Variants in PEAK1 observed in about 807,000 individuals in gnomAD.
The protein encoded by PEAK1 is pseudopodium enriched atypical kinase 1.
A neutral mutation model predicts 124.7 loss-of-function variants in PEAK1; 54 were observed. That is an observed-to-expected ratio of 0.43 (90% CI 0.35 to 0.54). The LOEUF is 0.54. PEAK1 is among the 20% of genes least tolerant of loss of function. The pLI is 0.01. For missense variants in PEAK1, 2,046 were observed against 2,134.5 expected (o/e 0.96, Z 0.82); for synonymous variants, 719 against 760.0 (o/e 0.95, Z 0.89).
intron 2 of PEAK1, among the ~76,000 whole-genome samples, chr15:77,363,280 A>C (rs752321059): frequency 3.9e-5 from 6 of 152,206 alleles, no homozygotes; most frequent in Non-Finnish European, 8.8e-5. Flanking sequence ...AGCAAGCTGC[A>C]GTCAAGACTC....
chr15:77,322,790 T>C (rs1175195955), intron 2 of PEAK1, among the ~76,000 whole-genome samples: 1 of 152,198 alleles, frequency 6.6e-6, no homozygotes, highest in Non-Finnish European at 1.5e-5. Context: ...GAGGCCAGCA[T>C]CATCCTGATA....
chr15:77,417,429 G>C (rs1276079055), intron 1 of PEAK1: 25 of 949,886 alleles, frequency 2.6e-5, no homozygotes. Context: ...GAAAGGACTA[G>C]GAAGGAGAGT....
At chr15:77,291,382 C>A (rs2063204227) in intron 2 of PEAK1, among the ~76,000 whole-genome samples, 1 of 152,076 alleles carries the variant, frequency 6.6e-6, no homozygotes, top group South Asian at 2.1e-4. Flanking sequence ...ATGAAATCTC[C>A]TCACACATAA....
Position 77,180,017 on chromosome 15 carries a change from T to C in PEAK1, c.1910A>G (p.Asn637Ser). Reference sequence around the variant, plus strand: ...CAGAAAACTTTTGTAGATAGCTAGATTGTCATATGCATTTGGATTGATAAC... The same window carrying C: ...CAGAAAACTTTTGTAGATAGCTAGACTGTCATATGCATTTGGATTGATAAC... ...PIVINPNAYDNLAIYKSFLGT... is the reference protein window; with the variant it reads ...PIVINPNAYDSLAIYKSFLGT... The change falls in exon 7 of 10, where the codon AAT becomes AGT. Residue 637 changes from asparagine to serine, a missense_variant. By Grantham distance (46) the Asn-to-Ser change is conservative. Transcript: ENST00000682557. 1.9e-6 allele frequency: 3 copies of C among 1,614,118 alleles called. No homozygotes were observed. The highest frequency in any genetic ancestry group is 2.5e-6 in the Non-Finnish European group (3 of 1,179,962).
intron 8 of PEAK1, chr15:77,156,221 C>G (rs1377866249): frequency 6.4e-6 from 1 of 155,196 alleles, no homozygotes; most frequent in Non-Finnish European, 1.4e-5. Context: ...CTCCCCCAGC[C>G]TCGGTGCTGC....
chr15:77,254,788 G>A (rs2061049623), intron 5 of PEAK1, among the ~76,000 whole-genome samples: 1 of 152,128 alleles, frequency 6.6e-6, no homozygotes, highest in African/African-American at 2.4e-5. Flanking sequence ...ATATACTTAA[G>A]AACTACTGTG....
At chr15:77,310,862 C>CA (rs1299200341) in intron 2 of PEAK1, among the ~76,000 whole-genome samples, 1 of 152,118 alleles carries the variant, frequency 6.6e-6, no homozygotes, top group Admixed American at 6.6e-5. Flanking sequence ...TCTGAGATGA[C>CA]AGGGAGCATA....
intron 2 of PEAK1, among the ~76,000 whole-genome samples, chr15:77,293,588 C>T (rs1157548253): frequency 6.6e-6 from 1 of 152,208 alleles, no homozygotes; most frequent in Non-Finnish European, 1.5e-5. Flanking sequence ...CCACGTTAGT[C>T]AGTCTTCCAT....
intron 2 of PEAK1, among the ~76,000 whole-genome samples, chr15:77,297,791 G>C (rs1446697376): frequency 6.7e-6 from 1 of 149,618 alleles, no homozygotes; most frequent in Non-Finnish European, 1.5e-5. Context: ...GGGTGCGGTG[G>C]CTCACGCCTG....
intron 2 of PEAK1, among the ~76,000 whole-genome samples, chr15:77,329,472 C>A (rs2153030005): frequency 6.6e-6 from 1 of 152,188 alleles, no homozygotes; most frequent in East Asian, 1.9e-4. Flanking sequence ...AATTTTAATC[C>A]CCTCTCTGCC....
chr15:77,212,708 G>A (rs1567121341), intron 6 of PEAK1, among the ~76,000 whole-genome samples: 2 of 152,100 alleles, frequency 1.3e-5, no homozygotes, highest in African/African-American at 4.8e-5. Flanking sequence ...CTTGTATGTA[G>A]GTCATCTATA....
chr15:77,289,573 C>T (rs567357128), intron 2 of PEAK1, among the ~76,000 whole-genome samples: 4 of 152,242 alleles, frequency 2.6e-5, no homozygotes, highest in South Asian at 2.1e-4. Flanking sequence ...CAGTGCCTCA[C>T]GCCTGTAATC....
At chr15:77,161,853 C>A (rs1410119690) in intron 7 of PEAK1, among the ~76,000 whole-genome samples, 1 of 150,988 alleles carries the variant, frequency 6.6e-6, no homozygotes, top group Non-Finnish European at 1.5e-5. Flanking sequence ...ATAATCCCAG[C>A]TACTCGGGAG....
Position 77,110,359 on chromosome 15 carries a change from T to A in PEAK1, c.*3797A>T, listed in dbSNP as rs892085726. ...CTGCCCACCTCGCCCTCCTAAAGTG[T>A]TGGGATTACAGGCGTGAGCCACTGC... On this transcript the variant is annotated 3_prime_UTR_variant, in exon 10 of 10. Coordinates refer to ENST00000682557, the MANE Select transcript of PEAK1 (RefSeq NM_001385026.1). 2.2e-4 allele frequency: 34 copies of A among 152,300 alleles called. No individual in the cohort carries two copies. The highest frequency in any genetic ancestry group is 7.9e-4 in the African/African-American group (33 of 41,562). 9.4% of individuals were successfully genotyped at this position (152,300 alleles called of 1,614,324 possible).
In PEAK1 at chr15:77,249,319, G is replaced by A. The variant is rs547445380; in HGVS notation, c.-115+3048C>T. Among the ~76,000 whole-genome samples the A allele has an allele frequency of 3.9e-5, 6 of 152,064 alleles. No individual in the cohort carries two copies. The East Asian group carries it at 9.6e-4, about 24-fold the overall frequency. On this transcript the variant is annotated intron_variant, in intron 6 of 9. Transcript: ENST00000682557. The stretch of plus-strand genomic sequence containing the variant: ...AGAATATACTCCCCTACCCACAAAG[G>A]CCATAATTTTCAGCTAATGAAATAA...
chr15:77,209,671 G>C (rs1439040203), intron 6 of PEAK1, among the ~76,000 whole-genome samples: 12 of 152,172 alleles, frequency 7.9e-5, no homozygotes, highest in Non-Finnish European at 2.9e-5. Context: ...CTTCCTTTCT[G>C]TGAGATGCTG....
At chr15:77,166,025 T>C (rs2056072576) in intron 7 of PEAK1, among the ~76,000 whole-genome samples, 1 of 152,154 alleles carries the variant, frequency 6.6e-6, no homozygotes, top group Non-Finnish European at 1.5e-5. Flanking sequence ...TAAAACTGCT[T>C]TTACTTTTAG....
chr15:77,151,969 A>G (rs907791684), intron 8 of PEAK1, among the ~76,000 whole-genome samples: 3 of 152,288 alleles, frequency 2.0e-5, no homozygotes, highest in East Asian at 3.9e-4. Flanking sequence ...TTGGCAATGC[A>G]GGCTCTTTTT....
At chr15:77,335,682 G>C (rs1428501920) in intron 2 of PEAK1, 1 of 785,386 alleles carries the variant, frequency 1.3e-6, no homozygotes, top group African/African-American at 1.9e-5. Flanking sequence ...GTCTTGCCCA[G>C]GCTGACCCAT....
Sources: allele counts gnomAD v4.1 joint callset (sites outside exome capture counted in the v4.1 genomes callset), GRCh38; gene constraint gnomAD v4.1.1; transcripts MANE v1.5; gene names NCBI Gene and HGNC (gene_info 2026-07-23, HGNC 2026-07-21).